The following LPP variants were observed in gnomAD, a reference collection of about 807,000 sequenced individuals.
LPP encodes the protein lipoma-preferred partner.
In LPP, 38 loss-of-function variants were observed where a neutral mutation model predicts 60.4. The ratio of observed to expected loss-of-function variants is 0.63; its 90% CI spans 0.49 to 0.83. The LOEUF (loss-of-function observed/expected upper bound fraction) is 0.83. Ranked by LOEUF, LPP falls within the 40% of genes least tolerant of loss-of-function variation. The pLI is 0.00. For synonymous variants in LPP, 328 were observed against 290.8 expected, an observed-to-expected ratio of 1.13 and a Z score of -1.30; for missense variants, 902 against 783.6, an observed-to-expected ratio of 1.15 and a Z score of -1.80.
chr3:188,441,609 C>CTTTCT lies in LPP; in HGVS notation c.193+35299_193+35300insCTTTT, dbSNP rs1793886236. On this transcript the variant is annotated intron_variant, in intron 4 of 11. Transcript: ENST00000617246. The stretch of plus-strand genomic sequence containing the variant: ...ACAGTTTCTTTTTTTCTTTTCTTTT[C>CTTTCT]TTTTTTTTTTTTTTTTTTTTTTTTT... Among the ~76,000 whole-genome samples, 35 of 55,672 alleles carry CTTTCT rather than the reference C, an allele frequency of 6.3e-4. 1 individual carries two copies. Among genetic ancestry groups the CTTTCT allele is most frequent in the South Asian group, 8.7e-4 (1 of 1,156 alleles). The allele number at this position is 55,672 out of a possible 152,430, so 36.5% of individuals were successfully genotyped here.
intron 7 of LPP, among the ~76,000 whole-genome samples, chr3:188,706,739 G>A (rs889681683): frequency 3.3e-5 from 5 of 152,146 alleles, no homozygotes; most frequent in Admixed American, 2.6e-4. Flanking sequence ...TGAATATGTA[G>A]CTTTCAGTTT....
intron 1 of LPP, among the ~76,000 whole-genome samples, chr3:188,185,406 T>A (rs1726298136): frequency 6.6e-6 from 1 of 152,170 alleles, no homozygotes; most frequent in South Asian, 2.1e-4. Flanking sequence ...TAGATAACTC[T>A]GTTTTCCCCC....
intron 1 of LPP, among the ~76,000 whole-genome samples, chr3:188,189,596 C>T (rs889000527): frequency 4.6e-5 from 7 of 152,118 alleles, no homozygotes; most frequent in African/African-American, 1.7e-4. Context: ...TTTGTAAACC[C>T]TTCTGTTCTG....
intron 8 of LPP, chr3:188,708,641 T>C: frequency 1.8e-6 from 1 of 563,378 alleles, no homozygotes; most frequent in Non-Finnish European, 3.1e-6. Flanking sequence ...CAAATTTTAT[T>C]GTTGAGACTT....
Position 188,778,503 on chromosome 3 carries a change from C to T in LPP, c.1410+18221C>T, listed in dbSNP as rs34383675. On this transcript the variant is annotated intron_variant, in intron 9 of 11. Transcript: ENST00000617246. ...CATTCTGGAGGTGTAATTAATCCAA[C>T]CCTGCTGTAGATAGGATCTCATTAT... 2.0e-3 allele frequency among the ~76,000 whole-genome samples: 311 copies of T among 152,286 alleles called. 1 individual carries two copies. Among genetic ancestry groups the T allele is most frequent in the Middle Eastern group, 6.8e-3 (2 of 294 alleles).
At chr3:188,210,560 T>G (rs1336232705) in intron 1 of LPP, among the ~76,000 whole-genome samples, 1 of 152,158 alleles carries the variant, frequency 6.6e-6, no homozygotes, top group Non-Finnish European at 1.5e-5. Context: ...AATTTTGAGA[T>G]CACAGAGCTA....
At chr3:188,773,712 A>G (rs1313361009) in intron 9 of LPP, among the ~76,000 whole-genome samples, 2 of 152,220 alleles carry the variant, frequency 1.3e-5, no homozygotes, top group African/African-American at 4.8e-5. Context: ...GAATGTCTAT[A>G]ATTTTATGCT....
upstream of LPP, chr3:188,153,122 T>C (rs1192967926): frequency 1.3e-5 from 2 of 152,198 alleles, no homozygotes; most frequent in Admixed American, 1.3e-4. Context: ...CCAAGAGCAG[T>C]AGAAATCACT....
At chr3:188,499,961 A>G (rs1352869987) in intron 5 of LPP, among the ~76,000 whole-genome samples, 1 of 152,116 alleles carries the variant, frequency 6.6e-6, no homozygotes, top group African/African-American at 2.4e-5. Context: ...GTAACTTTAT[A>G]TGCTCTACTT....
In LPP at chr3:188,352,505, G is replaced by A. The variant is rs563606406; in HGVS notation, c.-10+10786G>A. Among the ~76,000 whole-genome samples the A allele has an allele frequency of 1.6e-4, 24 of 152,324 alleles. No individual in the cohort carries two copies. Among genetic ancestry groups the A allele is most frequent in the African/African-American group, 5.1e-4 (21 of 41,584 alleles). On this transcript the variant is annotated intron_variant, in intron 3 of 11. Transcript: ENST00000617246. The surrounding 1 kb of genome is among the most constrained non-coding windows in gnomAD (Gnocchi z 4.4). Reference sequence around the variant, plus strand: ...GAGCCCTCAGTTGCCACTTGGAAACGGTTGGAAACTGTAGATCAGGCACAG... The same window carrying A: ...GAGCCCTCAGTTGCCACTTGGAAACAGTTGGAAACTGTAGATCAGGCACAG...
intron 1 of LPP, among the ~76,000 whole-genome samples, chr3:188,203,261 AAATATAT>A (rs1731625004): frequency 8.0e-6 from 1 of 124,816 alleles, no homozygotes; most frequent in African/African-American, 3.1e-5. Context: ...TAGTATAGTA[AAATATAT>A]AATATATAAT....
intron 1 of LPP, among the ~76,000 whole-genome samples, chr3:188,172,927 G>A (rs1040964735): frequency 1.3e-5 from 2 of 152,132 alleles, no homozygotes; most frequent in African/African-American, 4.8e-5. Context: ...TCCCCCACTT[G>A]TGTGATCATA....
At chr3:188,774,353 C>T (rs775238025) in intron 9 of LPP, among the ~76,000 whole-genome samples, 2 of 152,158 alleles carry the variant, frequency 1.3e-5, no homozygotes, top group East Asian at 1.9e-4. Context: ...TTGTTTTAAC[C>T]GTTTACCACT....
chr3:188,214,286 A>G (rs1712604991), intron 1 of LPP, among the ~76,000 whole-genome samples: 1 of 151,944 alleles, frequency 6.6e-6, no homozygotes, highest in South Asian at 2.1e-4. Flanking sequence ...ATGCACCACT[A>G]GGCCTGGCTA....
At chr3:188,770,620 G>C (rs912989856) in intron 9 of LPP, among the ~76,000 whole-genome samples, 1 of 152,158 alleles carries the variant, frequency 6.6e-6, no homozygotes, top group African/African-American at 2.4e-5. Context: ...TCTATTAGAA[G>C]AAAATGGACA....
intron 4 of LPP, among the ~76,000 whole-genome samples, chr3:188,433,423 A>G (rs1301895529): frequency 1.3e-5 from 2 of 152,114 alleles, no homozygotes; most frequent in South Asian, 2.1e-4. Flanking sequence ...TGATCACAGT[A>G]ATCGGGTCAT....
intron 9 of LPP, among the ~76,000 whole-genome samples, chr3:188,826,502 T>C (rs989878824): frequency 7.9e-5 from 12 of 152,204 alleles, no homozygotes; most frequent in African/African-American, 2.7e-4. Flanking sequence ...TATCAAATGA[T>C]ATCTAGATAT....
intron 7 of LPP, among the ~76,000 whole-genome samples, chr3:188,613,261 C>CTATATCTATATCTATATCTATAT (rs1553944171): frequency 2.4e-4 from 28 of 117,354 alleles, no homozygotes; most frequent in East Asian, 6.4e-4. Context: ...TATATCTATA[C>CTATATCTATATCTATATCTATAT]CTATATCTAT....
At chr3:188,189,230 G>A (rs1727452813) in intron 1 of LPP, among the ~76,000 whole-genome samples, 1 of 152,168 alleles carries the variant, frequency 6.6e-6, no homozygotes. Context: ...GAGACTACAA[G>A]CATGTGCCAT....
Sources: allele counts gnomAD v4.1 joint callset (sites outside exome capture counted in the v4.1 genomes callset), GRCh38; gene constraint gnomAD v4.1.1; non-coding constraint Gnocchi (gnomAD v3.1); transcripts MANE v1.5; gene names NCBI Gene and HGNC (gene_info 2026-07-23, HGNC 2026-07-21).